The following LAD1 variants were observed in gnomAD, a reference collection of about 807,000 sequenced individuals.
LAD1 encodes the protein ladinin-1.
A neutral mutation model predicts 54.2 loss-of-function variants in LAD1; 53 were observed. The ratio of observed to expected loss-of-function variants is 0.98; its 90% CI spans 0.78 to 1.23. The LOEUF (loss-of-function observed/expected upper bound fraction) is 1.23. LAD1 is among the 50% of genes most tolerant of loss of function. LAD1 has a pLI of 0.00. For missense variants in LAD1, 637 were observed against 653.3 expected, an observed-to-expected ratio of 0.98 and a Z score of 0.27; for synonymous variants, 231 against 257.7, an observed-to-expected ratio of 0.90 and a Z score of 0.99.
intron 1 of LAD1, among the ~76,000 whole-genome samples, chr1:201,394,487 C>A (rs888512244): frequency 6.6e-6 from 1 of 152,234 alleles, no homozygotes; most frequent in Non-Finnish European, 1.5e-5. Context: ...ATCAAACTAT[C>A]CCCCTATGGC....
chr1:201,389,358 A>AG, intron 1 of LAD1, 55 bp from the exon 2 acceptor site: 1 of 1,576,574 alleles, frequency 6.3e-7, no homozygotes, highest in South Asian at 1.1e-5. Flanking sequence ...GACCCTCCCG[A>AG]GGCAGGCTCC....
chr1:201,382,337 G>A lies in LAD1; in HGVS notation c.1474-11C>T, dbSNP rs747244831. The A allele has an allele frequency of 3.9e-5, 62 of 1,604,660 alleles. 2 individuals are homozygous for A. The South Asian group carries it at 6.3e-4, about 16-fold the overall frequency. On this transcript the variant is annotated splice_polypyrimidine_tract_variant and intron_variant, in intron 8 of 9. Transcript: ENST00000391967. ...TGCTTTCTGTGCCTCCTGATTGAGGGTATCAGGGTGGAGACCAGAGACTAA... is the reference window on the plus strand; with the variant it reads ...TGCTTTCTGTGCCTCCTGATTGAGGATATCAGGGTGGAGACCAGAGACTAA...
chr1:201,392,604 G>A (rs977938680), intron 1 of LAD1, among the ~76,000 whole-genome samples: 3 of 152,202 alleles, frequency 2.0e-5, no homozygotes, highest in Non-Finnish European at 2.9e-5. Flanking sequence ...AGGGGAAGAC[G>A]GGAAACCAGG....
Position 201,386,665 on chromosome 1 carries a change from A to G in LAD1, c.696T>C (p.Val232=). 1 of 1,613,964 alleles carries G rather than the reference A, an allele frequency of 6.2e-7. No individual in the cohort carries two copies. Among genetic ancestry groups the G allele is most frequent in the East Asian group, 2.2e-5 (1 of 44,876 alleles). ...EKRNSSEKKS[V]LEKTSVSEKS... ...TCTCAGAGACACTGGTTTTTTCTAG[A>G]ACAGACTTCTTCTCTGAGCTGTTTC... is the stretch of plus-strand genomic sequence containing the variant. Residue 232 remains valine (V), a synonymous_variant, in exon 3 of 10, where the codon GTT becomes GTC. Transcript: ENST00000391967.
At chr1:201,388,474 A>G (rs1382270879) in intron 2 of LAD1, among the ~76,000 whole-genome samples, 2 of 151,986 alleles carry the variant, frequency 1.3e-5, no homozygotes, top group Admixed American at 1.3e-4. Context: ...CATGAGGTCA[A>G]CAGATCGAGA....
At chr1:201,395,046 T>TGTC (rs1662264341) in intron 1 of LAD1, among the ~76,000 whole-genome samples, 1 of 152,146 alleles carries the variant, frequency 6.6e-6, no homozygotes, top group Non-Finnish European at 1.5e-5. Context: ...AACCCAGGGA[T>TGTC]CCTTGAGTGT....
intron 1 of LAD1, 76 bp downstream of exon 1, chr1:201,399,193 G>C: frequency 8.3e-7 from 1 of 1,210,754 alleles, no homozygotes; most frequent in Non-Finnish European, 1.2e-6. Flanking sequence ...CGGGGAGGAG[G>C]CCGGTGCCCC....
chr1:201,389,840 T>A (rs906627292), intron 1 of LAD1, among the ~76,000 whole-genome samples: 12 of 152,042 alleles, frequency 7.9e-5, no homozygotes, highest in African/African-American at 2.9e-4. Flanking sequence ...AAGAAAAAAA[T>A]TGTGTATATT....
rs967478498 is a variant in LAD1 at position 201,381,463 on chromosome 1, G to C, written c.*425C>G. 2 of 268,516 alleles carry C rather than the reference G, an allele frequency of 7.4e-6. No individual in the cohort carries two copies. Among genetic ancestry groups the C allele is most frequent in the Admixed American group, 5.0e-5 (1 of 19,924 alleles). 16.6% of individuals were successfully genotyped at this position (268,516 alleles called of 1,614,324 possible). A position where few individuals can be genotyped will look rare whatever the true frequency, so the allele number is the denominator to read the frequency against. ...AAGATGGGTGGGTCCAGGCCTCAGA[G>C]AAGGGGGACATCATAGACAAAGAGG... On this transcript the variant is annotated 3_prime_UTR_variant, in exon 10 of 10. Coordinates refer to ENST00000391967, the MANE Select transcript of LAD1 (RefSeq NM_005558.4).
Position 201,399,149 on chromosome 1 carries a change from G to T in LAD1, c.38+120C>A, listed in dbSNP as rs1662359472. ...TCCTGTCTCCCGCGAGTCGCAGCAAGACCAGGATCCAGCCTCAGTGTCAGG... is the reference window on the plus strand; with the variant it reads ...TCCTGTCTCCCGCGAGTCGCAGCAATACCAGGATCCAGCCTCAGTGTCAGG... On this transcript the variant is annotated intron_variant, in intron 1 of 9. Transcript: ENST00000391967. 22 of 889,524 alleles carry T rather than the reference G, an allele frequency of 2.5e-5. No homozygotes were observed. In the South Asian group the frequency reaches 3.1e-4, roughly 12 times the overall value. The allele number at this position is 889,524 out of a possible 1,614,324, so 55.1% of individuals were successfully genotyped here. A position where few individuals can be genotyped will look rare whatever the true frequency, so the allele number is the denominator to read the frequency against.
At position 201,381,667 on chromosome 1, in the gene LAD1, G is replaced by A. The variant is rs1661961933; in HGVS notation, c.*221C>T. The A allele has an allele frequency of 4.8e-6, 3 of 630,978 alleles. No individual in the cohort carries two copies. The highest frequency in any genetic ancestry group is 3.7e-5 in the South Asian group (2 of 53,850). 39.1% of individuals were successfully genotyped at this position (630,978 alleles called of 1,614,324 possible). A position where few individuals can be genotyped will look rare whatever the true frequency, so the allele number is the denominator to read the frequency against. On this transcript the variant is annotated 3_prime_UTR_variant, in exon 10 of 10. Coordinates refer to ENST00000391967, the MANE Select transcript of LAD1 (RefSeq NM_005558.4). ...CTGGGTCCCAGCATCTGTTGTGCCTGCCGCAGGGTGAGAAAGTCCCAGCCC... is the reference window on the plus strand; with the variant it reads ...CTGGGTCCCAGCATCTGTTGTGCCTACCGCAGGGTGAGAAAGTCCCAGCCC...
In LAD1 at chr1:201,382,718, C is replaced by A. The variant is rs1194662619; in HGVS notation, c.1408G>T (p.Val470Phe). Residue 470 changes from valine to phenylalanine, a missense_variant, in exon 8 of 10, where the codon GTT becomes TTT. Physicochemically the swap from Val to Phe is conservative, Grantham distance 50. Coordinates refer to ENST00000391967, the MANE Select transcript of LAD1 (RefSeq NM_005558.4). ...SRKENLRLSGVVTSRLNLWIS... is the reference protein window; with the variant it reads ...SRKENLRLSGFVTSRLNLWIS... ...CACAGGTTGAGCCTTGATGTCACAA[C>A]CCCTGAGAGCCTCAAGTTCTCCTAA... is the stretch of plus-strand genomic sequence containing the variant. 5.0e-6 allele frequency: 8 copies of A among 1,606,132 alleles called. No individual in the cohort carries two copies. The highest frequency in any genetic ancestry group is 6.8e-6 in the Non-Finnish European group (8 of 1,176,494).
Position 201,399,234 on chromosome 1 carries a change from A to AT in LAD1, c.38+34_38+35insA, listed in dbSNP as rs1553293108. On this transcript the variant is annotated intron_variant, in intron 1 of 9. Coordinates refer to ENST00000391967, the MANE Select transcript of LAD1 (RefSeq NM_005558.4). ...GAGGAGACCCAAAGGCTCCCCGCCGACCCCCCGCCCCTCCCGGCTCCCTCC... is the reference window on the plus strand; with the variant it reads ...GAGGAGACCCAAAGGCTCCCCGCCGATCCCCCCGCCCCTCCCGGCTCCCTCC... The AT allele has an allele frequency of 4.0e-6, 6 of 1,493,106 alleles. No individual in the cohort carries two copies. In the Admixed American group the frequency reaches 6.0e-5, roughly 15 times the overall value. 92.5% of individuals were successfully genotyped at this position (1,493,106 alleles called of 1,614,324 possible).
At chr1:201,397,169 G>GGACAC (rs1662305537) in intron 1 of LAD1, 1 of 152,478 alleles carries the variant, frequency 6.6e-6, no homozygotes, top group Non-Finnish European at 1.5e-5. Flanking sequence ...CTGGGACCGT[G>GGACAC]CTGTCACACC....
intron 3 of LAD1, 80 bp downstream of exon 3, chr1:201,386,255 G>A: frequency 7.5e-7 from 1 of 1,331,330 alleles, no homozygotes; most frequent in Non-Finnish European, 9.8e-7. Flanking sequence ...CAGGGAACCA[G>A]GGACTACCTG....
chr1:201,387,100 G>A lies in LAD1; in HGVS notation c.261C>T (p.Ser87=). ...ASKDEDEDIQ[S]ILRTRQERRQ... ...TCCGCTCCTGCCGTGTTCTGAGGAT[G>A]CTCTGGATGTCCTCGTCCTCATCTT... The change falls in exon 3 of 10, where the codon AGC becomes AGT. Residue 87 remains serine (S), a synonymous_variant. Transcript: ENST00000391967. 1 of 1,601,600 alleles carries A rather than the reference G, an allele frequency of 6.2e-7. No individual in the cohort carries two copies. Among genetic ancestry groups the A allele is most frequent in the Non-Finnish European group, 8.5e-7 (1 of 1,174,636 alleles).
chr1:201,391,619 G>A (rs1299510259), intron 1 of LAD1, among the ~76,000 whole-genome samples: 1 of 152,210 alleles, frequency 6.6e-6, no homozygotes, highest in African/African-American at 2.4e-5. Context: ...CCCAACCAAA[G>A]TGCATAAGTT....
rs1243546587 is a variant in LAD1, at chr1:201,381,750, G to C, written c.*138C>G. ...TCTTGCAAATATTCCTGACCCCAGG[G>C]ACCCTGGCCAAACAGATCCACAGGC... On this transcript the variant is annotated 3_prime_UTR_variant, in exon 10 of 10. Coordinates refer to ENST00000391967, the MANE Select transcript of LAD1 (RefSeq NM_005558.4). 1 of 960,390 alleles carries C rather than the reference G, an allele frequency of 1.0e-6. No individual in the cohort carries two copies. Among genetic ancestry groups the C allele is most frequent in the Non-Finnish European group, 1.7e-6 (1 of 591,242 alleles). The allele number at this position is 960,390 out of a possible 1,614,324, so 59.5% of individuals were successfully genotyped here. A position where few individuals can be genotyped will look rare whatever the true frequency, so the allele number is the denominator to read the frequency against.
chr1:201,393,254 C>T lies in LAD1; in HGVS notation c.39-3951G>A, dbSNP rs563147693. On this transcript the variant is annotated intron_variant, in intron 1 of 9. Coordinates refer to ENST00000391967, the MANE Select transcript of LAD1 (RefSeq NM_005558.4). ...AACCAGAGGAGGGTGTTGGCATGAA[C>T]AGGGGAGTGAGGGCCCCAGTCAGAT... 2.6e-5 allele frequency among the ~76,000 whole-genome samples: 4 copies of T among 152,220 alleles called. No individual in the cohort carries two copies. In the South Asian group the frequency reaches 6.2e-4, roughly 24 times the overall value.
Sources: allele counts gnomAD v4.1 joint callset (sites outside exome capture counted in the v4.1 genomes callset), GRCh38; gene constraint gnomAD v4.1.1; transcripts MANE v1.5; gene names NCBI Gene and HGNC (gene_info 2026-07-23, HGNC 2026-07-21).